DIAPH2: variants seen among roughly 807,000 people sequenced by gnomAD.
DIAPH2 encodes the protein protein diaphanous homolog 2.
Under a neutral mutation model 92.7 loss-of-function variants are expected in DIAPH2, and 35 were observed. The observed-to-expected ratio is 0.38, with a 90% CI of 0.29 to 0.50. The LOEUF (loss-of-function observed/expected upper bound fraction) is 0.50. Ranked by LOEUF, DIAPH2 falls within the 20% of genes least tolerant of loss-of-function variation. DIAPH2 has a pLI of 0.94. For synonymous variants in DIAPH2, 301 were observed against 280.4 expected (o/e 1.07, Z -0.73); for missense variants, 701 against 819.5 (o/e 0.86, Z 1.77).
chrX:96,949,109 A>G, intron 15 of DIAPH2, 70 bp downstream of exon 15: 6 of 686,897 alleles, frequency 8.7e-6, no homozygotes, highest in Admixed American at 3.6e-5. Context: ...ATCTTGTTAT[A>G]TAGAAGGAAA....
chrX:97,456,114 G>A (rs1369248024), intron 26 of DIAPH2, among the ~76,000 whole-genome samples: 2 of 112,508 alleles, frequency 1.8e-5, no homozygotes, highest in Non-Finnish European at 3.8e-5. Flanking sequence ...CAGGCCGGGC[G>A]CGGTGGCTCA....
At chrX:97,008,039 G>C (rs989320475) in intron 17 of DIAPH2, among the ~76,000 whole-genome samples, 3 of 101,941 alleles carry the variant, frequency 2.9e-5, no homozygotes, top group African/African-American at 1.1e-4. Flanking sequence ...TGGGATTACA[G>C]ATGTGAGCCA....
intron 25 of DIAPH2, among the ~76,000 whole-genome samples, chrX:97,412,753 C>T (rs1408614567): frequency 8.9e-6 from 1 of 111,799 alleles, no homozygotes; most frequent in Non-Finnish European, 1.9e-5. Context: ...ATACAAACTA[C>T]CATCAGAGAA....
chrX:96,722,486 G>T (rs2063995284), intron 1 of DIAPH2, among the ~76,000 whole-genome samples: 1 of 111,161 alleles, frequency 9.0e-6, no homozygotes, highest in Non-Finnish European at 1.9e-5. Flanking sequence ...TCTAGCTGCA[G>T]CAGTGTAGGC....
intron 23 of DIAPH2, among the ~76,000 whole-genome samples, chrX:97,329,392 A>C (rs2068977612): frequency 8.9e-6 from 1 of 112,467 alleles, no homozygotes; most frequent in South Asian, 3.7e-4. Context: ...GCTAAAAGGA[A>C]AGAGCCCACA....
At chrX:97,002,659 C>T (rs773726353) in intron 17 of DIAPH2, among the ~76,000 whole-genome samples, 11 of 110,828 alleles carry the variant, frequency 9.9e-5, no homozygotes, top group East Asian at 2.8e-4. Context: ...TTTTTATTTT[C>T]GTGGGTCCAT....
Position 97,599,482 on chromosome X carries a change from T to C in DIAPH2, c.*165T>C. The stretch of plus-strand genomic sequence containing the variant: ...TGCATTTGTAATACTATTGCAAGAC[T>C]CCTCCCACAATTATTCTAATCTGAA... On this transcript the variant is annotated 3_prime_UTR_variant, in exon 27 of 27. Coordinates refer to ENST00000324765, the MANE Select transcript of DIAPH2 (RefSeq NM_006729.5). The C allele has an allele frequency of 3.1e-6, 1 of 320,658 alleles. No individual in the cohort carries two copies. The highest frequency in any genetic ancestry group is 4.9e-5 in the Admixed American group (1 of 20,263). 26.4% of individuals were successfully genotyped at this position (320,658 alleles called of 1,213,427 possible). A position where few individuals can be genotyped will look rare whatever the true frequency, so the allele number is the denominator to read the frequency against.
At chrX:97,590,781 T>A (rs2071511906) in intron 26 of DIAPH2, among the ~76,000 whole-genome samples, 1 of 112,083 alleles carries the variant, frequency 8.9e-6, no homozygotes, top group African/African-American at 3.2e-5. Flanking sequence ...ATCTAGGATA[T>A]CTAGGCTTCA....
chrX:97,254,127 C>T (rs957545174), intron 23 of DIAPH2, among the ~76,000 whole-genome samples: 1 of 111,566 alleles, frequency 9.0e-6, no homozygotes, highest in African/African-American at 3.3e-5. Flanking sequence ...GCTAAACAGA[C>T]CCAGTAGGAT....
chrX:96,936,251 G>A (rs1302802155), intron 10 of DIAPH2, among the ~76,000 whole-genome samples: 1 of 111,453 alleles, frequency 9.0e-6, no homozygotes. Context: ...AATTTGTTTG[G>A]CTTCAGTAAT....
intron 22 of DIAPH2, among the ~76,000 whole-genome samples, chrX:97,185,474 CATATATATATAT>C (rs1180330581): frequency 0.39 from 4,102 of 10,452 alleles, 946 homozygotes; most frequent in Non-Finnish European, 0.54. Flanking sequence ...TATATATACA[CATATATATATAT>C]ATATATATAT....
At chrX:97,559,656 G>A (rs966169512) in intron 26 of DIAPH2, among the ~76,000 whole-genome samples, 6 of 111,625 alleles carry the variant, frequency 5.4e-5, no homozygotes, top group Non-Finnish European at 7.5e-5. Flanking sequence ...TCGTTTCTAC[G>A]TACACGGTAG....
chrX:96,797,527 A>G (rs1439141732), intron 4 of DIAPH2, among the ~76,000 whole-genome samples: 1 of 111,882 alleles, frequency 8.9e-6, no homozygotes, highest in Non-Finnish European at 1.9e-5. Flanking sequence ...CAGAATGTAT[A>G]AGAAGCATAG....
chrX:96,826,779 A>G (rs925203534), intron 4 of DIAPH2, among the ~76,000 whole-genome samples: 4 of 111,860 alleles, frequency 3.6e-5, no homozygotes, highest in Non-Finnish European at 1.9e-5. Context: ...TAGAGATGGT[A>G]TCTTGCTATG....
At chrX:96,836,704 TATATATATA>T in intron 4 of DIAPH2, among the ~76,000 whole-genome samples, 2 of 22,899 alleles carry the variant, frequency 8.7e-5, no homozygotes, top group Admixed American at 6.4e-4. Flanking sequence ...TATATATATA[TATATATATA>T]TATATTTTTT....
chrX:96,790,758 T>G (rs1197453766), intron 4 of DIAPH2, among the ~76,000 whole-genome samples: 1 of 111,872 alleles, frequency 8.9e-6, no homozygotes, highest in Admixed American at 9.5e-5. Context: ...CAGTGAGATG[T>G]GACAGCTAAC....
chrX:97,459,800 G>A (rs1416202767), intron 26 of DIAPH2, among the ~76,000 whole-genome samples: 2 of 111,728 alleles, frequency 1.8e-5, no homozygotes, highest in Non-Finnish European at 1.9e-5. Context: ...GCAGCATGAT[G>A]GTTAAGAGCA....
At chrX:96,809,421 A>G (rs2147658968) in intron 4 of DIAPH2, among the ~76,000 whole-genome samples, 1 of 110,735 alleles carries the variant, frequency 9.0e-6, no homozygotes, top group African/African-American at 3.3e-5. Flanking sequence ...AACGACAGAT[A>G]TAATGTTGTA....
At chrX:97,310,514 A>G (rs1184288102) in intron 23 of DIAPH2, among the ~76,000 whole-genome samples, 1 of 111,964 alleles carries the variant, frequency 8.9e-6, no homozygotes, top group Admixed American at 9.6e-5. Flanking sequence ...AAGTTAAGTC[A>G]TGCAGATATG....
Sources: gnomAD v4.1 joint callset for allele counts (sites outside exome capture counted in the v4.1 genomes callset) on GRCh38, gnomAD v4.1.1 for gene constraint, MANE v1.5 for transcripts, NCBI Gene and HGNC (gene_info 2026-07-23, HGNC 2026-07-21) for gene names.